NCAPG2: variants seen among roughly 807,000 people sequenced by gnomAD.
NCAPG2 encodes non-SMC condensin II complex subunit G2, also known as condensin-2 complex subunit G2.
Under a neutral mutation model 141.1 loss-of-function variants are expected in NCAPG2, and 53 were observed. That is an observed-to-expected ratio of 0.38 (90% CI 0.30 to 0.47). The LOEUF is 0.47. Ranked by LOEUF, NCAPG2 falls within the 20% of genes least tolerant of loss-of-function variation. The pLI is 0.99. For missense variants in NCAPG2, 1,087 were observed against 1,389.0 expected (o/e 0.78, Z 3.46); for synonymous variants, 499 against 490.7 (o/e 1.02, Z -0.22).
intron 27 of NCAPG2, among the ~76,000 whole-genome samples, chr7:158,634,861 G>T (rs1830087832): frequency 6.6e-6 from 1 of 152,216 alleles, no homozygotes; most frequent in African/African-American, 2.4e-5. Flanking sequence ...AAAACAAAAT[G>T]AAGGAATTTT....
chr7:158,700,840 C>G (rs1226576031), intron 2 of NCAPG2, among the ~76,000 whole-genome samples: 1 of 152,194 alleles, frequency 6.6e-6, no homozygotes, highest in African/African-American at 2.4e-5. Flanking sequence ...AAGATACTTT[C>G]GTATTTCAGA....
At chr7:158,674,670 G>A (rs1404707678) in intron 12 of NCAPG2, among the ~76,000 whole-genome samples, 1 of 152,230 alleles carries the variant, frequency 6.6e-6, no homozygotes, top group Non-Finnish European at 1.5e-5. Context: ...CTCCCACTAG[G>A]GCATGGCCGT....
intron 12 of NCAPG2, among the ~76,000 whole-genome samples, chr7:158,672,282 GTGTGTGTGTGTATATATATATATATATA>G (rs1457879732): frequency 9.5e-5 from 2 of 21,062 alleles, no homozygotes; most frequent in African/African-American, 4.2e-4. Flanking sequence ...AAACACATGT[GTGTGTGTGTGTATATATATATATATATA>G]TATATATATA....
In NCAPG2 at chr7:158,677,525, C is replaced by CAAAAAAAAAAAAAA; in HGVS notation, c.1147-1883_1147-1870dup. On this transcript the variant is annotated intron_variant, in intron 11 of 27. Transcript: ENST00000356309. ...AGAAAAAAAGATGATAAAAATAAAG[C>CAAAAAAAAAAAAAA]AAAAAAAAAAAAAAAAAAAAAAACA... 1.0e-3 allele frequency among the ~76,000 whole-genome samples: 91 copies of CAAAAAAAAAAAAAA among 90,402 alleles called. 1 individual carries two copies. The highest frequency in any genetic ancestry group is 1.2e-3 in the African/African-American group (26 of 21,986). The allele number at this position is 90,402 out of a possible 152,430, so 59.3% of individuals were successfully genotyped here. A position where few individuals can be genotyped will look rare whatever the true frequency, so the allele number is the denominator to read the frequency against.
chr7:158,669,767 T>TAAAAAAA (rs1563545647), intron 13 of NCAPG2, among the ~76,000 whole-genome samples: 11 of 20,458 alleles, frequency 5.4e-4, no homozygotes, highest in Non-Finnish European at 6.5e-4. Flanking sequence ...AGACTCTGTC[T>TAAAAAAA]CAAAAAAAAA....
chr7:158,654,576 A>G lies in NCAPG2; in HGVS notation c.2746+19T>C, dbSNP rs776540819. On this transcript the variant is annotated intron_variant, in intron 22 of 27. Coordinates refer to ENST00000356309, the MANE Select transcript of NCAPG2 (RefSeq NM_017760.7). ...ACTGGTTCTGAGTATTTATTGCTCT[A>G]AAACAGCCCTGACTGTACCTGTTTG... is the stretch of plus-strand genomic sequence containing the variant. 1 of 1,611,034 alleles carries G rather than the reference A, an allele frequency of 6.2e-7. No individual in the cohort carries two copies. The highest frequency in any genetic ancestry group is 8.5e-7 in the Non-Finnish European group (1 of 1,178,228).
intron 27 of NCAPG2, among the ~76,000 whole-genome samples, chr7:158,637,419 G>A (rs1236673820): frequency 1.5e-5 from 2 of 133,316 alleles, no homozygotes; most frequent in Non-Finnish European, 3.2e-5. Context: ...ACTGGGGAAG[G>A]AGGGGACTTT....
chr7:158,695,799 G>A (rs752357165), intron 2 of NCAPG2, among the ~76,000 whole-genome samples: 1 of 152,252 alleles, frequency 6.6e-6, no homozygotes, highest in African/African-American at 2.4e-5. Flanking sequence ...GAAAGAACAC[G>A]TGCAGACTAG....
Position 158,701,917 on chromosome 7 carries a change from A to C in NCAPG2, c.-18T>G. On this transcript the variant is annotated 5_prime_UTR_variant, in exon 2 of 28. Transcript: ENST00000356309. Reference sequence around the variant, plus strand: ...TTTTCCATGACAGATGGCACTGTTCAAATGGCATTTATTTTGTAACCCTAA... The same window carrying C: ...TTTTCCATGACAGATGGCACTGTTCCAATGGCATTTATTTTGTAACCCTAA... The C allele has an allele frequency of 1.3e-6, 2 of 1,593,718 alleles. No homozygotes were observed. Among genetic ancestry groups the C allele is most frequent in the Non-Finnish European group, 1.7e-6 (2 of 1,170,354 alleles).
At chr7:158,679,887 C>A (rs937590327) in intron 11 of NCAPG2, 73 bp downstream of exon 11, 21 of 1,555,078 alleles carry the variant, frequency 1.4e-5, no homozygotes, top group Non-Finnish European at 1.8e-5. Flanking sequence ...GGTGGGGACA[C>A]ACACAAGCAG....
At chr7:158,660,417 TTTTTTTTTTTTTA>T (rs1196339857) in intron 16 of NCAPG2, among the ~76,000 whole-genome samples, 1,333 of 99,756 alleles carry the variant, frequency 0.013, 54 homozygotes, top group African/African-American at 0.044. Context: ...TTTTTTTTTT[TTTTTTTTTTTTTA>T]AAAGAGGCAG....
intron 8 of NCAPG2, among the ~76,000 whole-genome samples, chr7:158,684,450 G>T (rs1041287307): frequency 1.3e-5 from 2 of 152,162 alleles, no homozygotes; most frequent in African/African-American, 4.8e-5. Flanking sequence ...AAACTCTAAG[G>T]AGACATTTGA....
chr7:158,641,256 A>G (rs1830624193), intron 27 of NCAPG2: 2 of 373,190 alleles, frequency 5.4e-6, no homozygotes, highest in Admixed American at 4.6e-5. Context: ...CAAATAGAAG[A>G]CAATAACAAA....
chr7:158,694,973 C>T (rs1835359410), intron 2 of NCAPG2, among the ~76,000 whole-genome samples: 1 of 152,190 alleles, frequency 6.6e-6, no homozygotes, highest in Non-Finnish European at 1.5e-5. Context: ...TAGACAGTAT[C>T]TTGATCTACC....
intron 27 of NCAPG2, among the ~76,000 whole-genome samples, chr7:158,639,628 T>C (rs1830505417): frequency 6.6e-6 from 1 of 152,140 alleles, no homozygotes; most frequent in Non-Finnish European, 1.5e-5. Context: ...ACTACTAACA[T>C]AGAAGAAACA....
At chr7:158,672,292 GTATA>G (rs1563549335) in intron 12 of NCAPG2, among the ~76,000 whole-genome samples, 490 of 27,020 alleles carry the variant, frequency 0.018, 3 homozygotes, top group Middle Eastern at 0.028. Flanking sequence ...GTGTGTGTGT[GTATA>G]TATATATATA....
In NCAPG2 at chr7:158,680,764, A is replaced by C. The variant is rs1205170873; in HGVS notation, c.977T>G (p.Met326Arg). ...GATGGGCTTATATAATCTATAAAGC[A>C]TCTCTTCCACTCCCTGCCGAACTTT... ...QKKVRQGVEE[M>R]LYRLYKPILW... Residue 326 changes from methionine (M) to arginine (R), a missense_variant, in exon 10 of 28, where the codon ATG becomes AGG. Coordinates refer to ENST00000356309, the MANE Select transcript of NCAPG2 (RefSeq NM_017760.7). The C allele has an allele frequency of 2.5e-6, 4 of 1,606,174 alleles. No homozygotes were observed. In the African/African-American group the frequency reaches 4.0e-5, roughly 16 times the overall value.
At chr7:158,655,745 T>TCATGACCA (rs1831912300) in intron 19 of NCAPG2, among the ~76,000 whole-genome samples, 37 of 10,676 alleles carry the variant, frequency 3.5e-3, no homozygotes, top group Non-Finnish European at 4.3e-3. Context: ...CCCATCTGCC[T>TCATGACCA]GGCTCCACTC....
At chr7:158,671,218 C>T (rs1240531331) in intron 13 of NCAPG2, among the ~76,000 whole-genome samples, 2 of 152,150 alleles carry the variant, frequency 1.3e-5, no homozygotes, top group East Asian at 3.9e-4. Context: ...CAGAAGTGCT[C>T]ACCAGGTGCC....
Sources: allele counts gnomAD v4.1 joint callset (sites outside exome capture counted in the v4.1 genomes callset), GRCh38; gene constraint gnomAD v4.1.1; transcripts MANE v1.5; gene names NCBI Gene and HGNC (gene_info 2026-07-23, HGNC 2026-07-21).